LSAMP: variants seen among roughly 807,000 people sequenced by gnomAD.
LSAMP encodes the protein limbic system associated membrane protein.
LSAMP carries 7 observed loss-of-function variants against 38.6 expected under a neutral mutation model. The observed-to-expected ratio is 0.18, with a 90% CI of 0.10 to 0.34. LSAMP has a LOEUF of 0.34. LSAMP is among the 10% of genes least tolerant of loss of function. LSAMP has a pLI of 1.00. For missense variants in LSAMP, 313 were observed against 420.0 expected, an observed-to-expected ratio of 0.75 and a Z score of 2.23; for synonymous variants, 154 against 166.8, an observed-to-expected ratio of 0.92 and a Z score of 0.59.
chr3:116,382,400 AAGG>A (rs1467153517), intron 1 of LSAMP, among the ~76,000 whole-genome samples: 1 of 151,528 alleles, frequency 6.6e-6, no homozygotes, highest in Non-Finnish European at 1.5e-5. Context: ...AAACTATCGC[AAGG>A]ACAAAAAACC....
intron 3 of LSAMP, among the ~76,000 whole-genome samples, chr3:115,871,769 C>T (rs1041500124): frequency 1.3e-5 from 2 of 152,076 alleles, no homozygotes; most frequent in Non-Finnish European, 2.9e-5. Context: ...CTAGGAAGAA[C>T]TAAACCTCCA....
rs143790209 is a variant in LSAMP, at chr3:116,038,629, A to G, written c.389-18989T>C. 3.9e-4 allele frequency among the ~76,000 whole-genome samples: 60 copies of G among 152,208 alleles called. 1 individual carries two copies. The highest frequency in any genetic ancestry group is 1.4e-3 in the African/African-American group (57 of 41,526). On this transcript the variant is annotated intron_variant, in intron 2 of 6. Coordinates refer to ENST00000490035, the MANE Select transcript of LSAMP (RefSeq NM_002338.5). ...TCTCCCCTTCTCTGAGATGTATGCT[A>G]TATATATACACCCGCCTCTCATTCT...
At chr3:116,091,991 A>G (rs911735132) in intron 1 of LSAMP, among the ~76,000 whole-genome samples, 1 of 152,136 alleles carries the variant, frequency 6.6e-6, no homozygotes, top group Non-Finnish European at 1.5e-5. Context: ...TCCACATTGC[A>G]TTAGAGTTAT....
At chr3:116,296,924 C>G (rs997121715) in intron 1 of LSAMP, among the ~76,000 whole-genome samples, 1 of 152,064 alleles carries the variant, frequency 6.6e-6, no homozygotes, top group Non-Finnish European at 1.5e-5. Flanking sequence ...AAATGACAAG[C>G]CCCAGATCAT....
chr3:115,931,198 C>T (rs928092691), intron 3 of LSAMP, among the ~76,000 whole-genome samples: 18 of 152,118 alleles, frequency 1.2e-4, no homozygotes, highest in African/African-American at 3.9e-4. Flanking sequence ...AGAGAACTGA[C>T]GCCAACACCC....
intron 1 of LSAMP, among the ~76,000 whole-genome samples, chr3:116,214,745 T>G (rs983281188): frequency 2.0e-5 from 3 of 152,020 alleles, no homozygotes; most frequent in Non-Finnish European, 4.4e-5. Context: ...TCAAGTGATC[T>G]GCCTGCCTCA....
intron 2 of LSAMP, among the ~76,000 whole-genome samples, chr3:116,025,572 TTC>T (rs1206162112): frequency 6.6e-6 from 1 of 152,158 alleles, no homozygotes; most frequent in Non-Finnish European, 1.5e-5. Context: ...TTTTAATTGT[TTC>T]TTTTTTTATA....
intron 3 of LSAMP, among the ~76,000 whole-genome samples, chr3:115,929,650 T>C (rs1475716778): frequency 6.6e-6 from 1 of 152,122 alleles, no homozygotes; most frequent in Non-Finnish European, 1.5e-5. Context: ...GTTGAATAGG[T>C]GGATTGTAAA....
intron 2 of LSAMP, among the ~76,000 whole-genome samples, chr3:116,079,763 CAA>C (rs920879837): frequency 6.7e-6 from 1 of 148,710 alleles, no homozygotes; most frequent in South Asian, 2.1e-4. Context: ...AGAGTTTTGT[CAA>C]AAAAAAAGTT....
chr3:116,279,603 T>G (rs2047100114), intron 1 of LSAMP, among the ~76,000 whole-genome samples: 1 of 152,204 alleles, frequency 6.6e-6, no homozygotes, highest in Non-Finnish European at 1.5e-5. Context: ...TGTGCTTGCC[T>G]AAAGAAACAA....
intron 1 of LSAMP, among the ~76,000 whole-genome samples, chr3:116,200,884 C>T (rs2045978854): frequency 6.6e-6 from 1 of 152,206 alleles, no homozygotes; most frequent in African/African-American, 2.4e-5. Context: ...ATCCAAGCTC[C>T]TGTCTGCAAA....
At chr3:115,917,182 A>G (rs979024983) in intron 3 of LSAMP, among the ~76,000 whole-genome samples, 2 of 152,232 alleles carry the variant, frequency 1.3e-5, no homozygotes, top group African/African-American at 4.8e-5. Flanking sequence ...TAAGAGAAAA[A>G]TAAAATATTA....
intron 3 of LSAMP, among the ~76,000 whole-genome samples, chr3:115,985,831 G>A (rs1939495192): frequency 6.6e-6 from 1 of 152,208 alleles, no homozygotes; most frequent in Non-Finnish European, 1.5e-5. Context: ...GCAGACTGTA[G>A]CCACAGCTGA....
At chr3:116,423,659 T>C (rs2049158711) in intron 1 of LSAMP, among the ~76,000 whole-genome samples, 1 of 152,132 alleles carries the variant, frequency 6.6e-6, no homozygotes, top group Non-Finnish European at 1.5e-5. Flanking sequence ...CCTGGCTGAA[T>C]ACAAAGCAGT....
chr3:116,330,374 G>T (rs1456155866), intron 1 of LSAMP, among the ~76,000 whole-genome samples: 2 of 152,104 alleles, frequency 1.3e-5, no homozygotes, highest in East Asian at 1.9e-4. Context: ...GAGCAAAAAA[G>T]ACCTTGTCCT....
chr3:116,186,094 C>A (rs1710610058), intron 1 of LSAMP, among the ~76,000 whole-genome samples: 1 of 151,972 alleles, frequency 6.6e-6, no homozygotes. Context: ...CATGTGACAG[C>A]ATCAAAGAAG....
intron 2 of LSAMP, among the ~76,000 whole-genome samples, chr3:116,021,163 T>C (rs896475260): frequency 6.6e-6 from 1 of 152,196 alleles, no homozygotes; most frequent in Non-Finnish European, 1.5e-5. Flanking sequence ...AGACTGTAGT[T>C]GATTCCAAAT....
chr3:116,278,633 T>G (rs758771052), intron 1 of LSAMP, among the ~76,000 whole-genome samples: 15 of 152,176 alleles, frequency 9.9e-5, no homozygotes, highest in Non-Finnish European at 1.9e-4. Context: ...ACTGTGGCCT[T>G]AGATAATGAC....
At chr3:115,854,282 A>ATTTTTTTTTT (rs35263381) in intron 3 of LSAMP, among the ~76,000 whole-genome samples, 1 of 107,028 alleles carries the variant, frequency 9.3e-6, no homozygotes, top group Admixed American at 1.1e-4. Flanking sequence ...TATTATTATT[A>ATTTTTTTTTT]TTTTTTTTTT....
Sources: gnomAD v4.1 joint callset for allele counts (sites outside exome capture counted in the v4.1 genomes callset) on GRCh38, gnomAD v4.1.1 for gene constraint, MANE v1.5 for transcripts, NCBI Gene and HGNC (gene_info 2026-07-23, HGNC 2026-07-21) for gene names.